The following SLCO2A1 variants were observed in gnomAD, a reference collection of about 807,000 sequenced individuals.
The protein encoded by SLCO2A1 is matrin F/G 1.
A neutral mutation model predicts 71.7 loss-of-function variants in SLCO2A1; 60 were observed. That is an observed-to-expected ratio of 0.84 (90% CI 0.68 to 1.04). SLCO2A1 has a LOEUF of 1.04. Among genes scored for constraint, SLCO2A1 ranks in the 50% least tolerant of loss-of-function variants. SLCO2A1 has a pLI of 0.00. For missense variants in SLCO2A1, 745 were observed against 813.4 expected (o/e 0.92, Z 1.02); for synonymous variants, 308 against 326.7 (o/e 0.94, Z 0.62).
At chr3:133,982,503 A>G (rs1934617565) in intron 1 of SLCO2A1, among the ~76,000 whole-genome samples, 1 of 152,100 alleles carries the variant, frequency 6.6e-6, no homozygotes, top group Non-Finnish European at 1.5e-5. Context: ...ATCACTTCCC[A>G]AATAGGACTC....
At position 134,029,473 on chromosome 3, in the gene SLCO2A1, A is replaced by AACACACAC. The variant is rs146731617; in HGVS notation, c.96+226_96+233dup. On this transcript the variant is annotated intron_variant, in intron 1 of 13. Transcript: ENST00000310926. ...TTACTTAGTCCGATGAAGGCGTGTGAACACACACACACACACTCGCACGCA... is the reference window on the plus strand; with the variant it reads ...TTACTTAGTCCGATGAAGGCGTGTGAACACACACACACACACACACACACTCGCACGCA... Among the ~76,000 whole-genome samples, 397 of 150,000 alleles carry AACACACAC rather than the reference A, an allele frequency of 2.6e-3. 5 individuals carry two copies. The highest frequency in any genetic ancestry group is 9.1e-3 in the African/African-American group (368 of 40,630).
intron 4 of SLCO2A1, 55 bp from the exon 5 acceptor site, chr3:133,953,816 C>T (rs901405181): frequency 3.6e-6 from 5 of 1,404,192 alleles, no homozygotes; most frequent in Non-Finnish European, 4.0e-6. Context: ...AGTTTGGCAG[C>T]CTTGGGCTCC....
intron 1 of SLCO2A1, among the ~76,000 whole-genome samples, chr3:133,993,894 G>A (rs564170906): frequency 6.6e-6 from 1 of 152,290 alleles, no homozygotes; most frequent in Non-Finnish European, 1.5e-5. Context: ...AGAGTTTGAA[G>A]ATTAAGCCCT....
intron 7 of SLCO2A1, 28 bp downstream of exon 7, chr3:133,948,865 G>A (rs199810211): frequency 6.2e-7 from 1 of 1,609,922 alleles, no homozygotes; most frequent in African/African-American, 1.3e-5. Context: ...CACTGTGCCA[G>A]CCCACCCAGG....
intron 1 of SLCO2A1, among the ~76,000 whole-genome samples, chr3:134,019,454 T>C (rs909910159): frequency 6.6e-6 from 1 of 152,210 alleles, no homozygotes; most frequent in African/African-American, 2.4e-5. Flanking sequence ...CCTCACGGAA[T>C]TGGTGGAACA....
chr3:133,991,484 A>G (rs1431399044), intron 1 of SLCO2A1, among the ~76,000 whole-genome samples: 1 of 152,258 alleles, frequency 6.6e-6, no homozygotes, highest in Admixed American at 6.5e-5. Flanking sequence ...CAGAGATTTA[A>G]AATAGCCAGC....
intron 1 of SLCO2A1, among the ~76,000 whole-genome samples, chr3:133,981,390 C>T (rs1023381619): frequency 6.6e-6 from 1 of 152,222 alleles, no homozygotes; most frequent in African/African-American, 2.4e-5. Context: ...TTTCCCCCTT[C>T]TGTGCCCTGG....
chr3:134,029,777 G>T lies in SLCO2A1; in HGVS notation c.26C>A (p.Ala9Glu), dbSNP rs1290884922. 2 of 1,551,002 alleles carry T rather than the reference G, an allele frequency of 1.3e-6. No homozygotes were observed. Among genetic ancestry groups the T allele is most frequent in the Non-Finnish European group, 1.7e-6 (2 of 1,154,454 alleles). Residue 9 changes from alanine to glutamate, a missense_variant, in exon 1 of 14, where the codon GCG becomes GAG. Physicochemically the swap from Ala to Glu is moderately radical, Grantham distance 107. Transcript: ENST00000310926. MGLLPKLG[A>E]SQGSDTSTSR... ...AGTAGAGGTGTCGCTGCCCTGGGAC[G>T]CGCCGAGCTTGGGCAGGAGCCCCAT...
rs575978146 is a variant in SLCO2A1, at chr3:133,959,364, A to C, written c.398-4171T>G. On this transcript the variant is annotated intron_variant, in intron 3 of 13. Coordinates refer to ENST00000310926, the MANE Select transcript of SLCO2A1 (RefSeq NM_005630.3). ...TTTATCAAATCAAAACTACAATGAG[A>C]TATCACTTCATACCCATCAGGATGG... Among the ~76,000 whole-genome samples, 75 of 151,144 alleles carry C rather than the reference A, an allele frequency of 5.0e-4. 1 individual carries two copies. The highest frequency in any genetic ancestry group is 3.3e-3 in the South Asian group (16 of 4,792).
rs1344699058 is a variant in SLCO2A1 at position 133,947,134 on chromosome 3, A to C, written c.1295+122T>G. The C allele has an allele frequency of 5.1e-4, 115 of 224,356 alleles. No individual in the cohort carries two copies. In the East Asian group the frequency reaches 0.013, roughly 26 times the overall value. The allele number at this position is 224,356 out of a possible 1,614,324, so 13.9% of individuals were successfully genotyped here. A position where few individuals can be genotyped will look rare whatever the true frequency, so the allele number is the denominator to read the frequency against. On this transcript the variant is annotated intron_variant, in intron 9 of 13. Coordinates refer to ENST00000310926, the MANE Select transcript of SLCO2A1 (RefSeq NM_005630.3). ...GGGTGACGGAGCGAGACTCTGTCTC[A>C]AAAAAAAAAAAAAGTGTACAGCAAA... is the stretch of plus-strand genomic sequence containing the variant.
intron 1 of SLCO2A1, among the ~76,000 whole-genome samples, chr3:134,014,480 A>T (rs1329411410): frequency 6.6e-6 from 1 of 152,194 alleles, no homozygotes; most frequent in African/African-American, 2.4e-5. Context: ...CATCCCAAAC[A>T]GTAAGACACA....
chr3:134,011,345 A>G lies in SLCO2A1; in HGVS notation c.96+18362T>C, dbSNP rs190572823. Among the ~76,000 whole-genome samples, 559 of 152,316 alleles carry G rather than the reference A, an allele frequency of 3.7e-3. 8 individuals are homozygous for G. Among genetic ancestry groups the G allele is most frequent in the African/African-American group, 0.013 (534 of 41,566 alleles). On this transcript the variant is annotated intron_variant, in intron 1 of 13. Coordinates refer to ENST00000310926, the MANE Select transcript of SLCO2A1 (RefSeq NM_005630.3). ...ATTACAGGCGTGAGCCACTGTGCCC[A>G]GCCTACACATTAAATTTACACATGG...
chr3:133,972,259 G>C (rs1934342965), intron 3 of SLCO2A1, among the ~76,000 whole-genome samples: 1 of 152,076 alleles, frequency 6.6e-6, no homozygotes, highest in Non-Finnish European at 1.5e-5. Flanking sequence ...TAAAAAATGG[G>C]TTTGACACCA....
intron 1 of SLCO2A1, among the ~76,000 whole-genome samples, chr3:134,000,679 G>A (rs146544202): frequency 6.6e-6 from 1 of 152,134 alleles, no homozygotes; most frequent in African/African-American, 2.4e-5. Flanking sequence ...GTCCCTTCTG[G>A]TGCACATGGA....
At chr3:134,022,341 A>G (rs1355793008) in intron 1 of SLCO2A1, among the ~76,000 whole-genome samples, 1 of 152,198 alleles carries the variant, frequency 6.6e-6, no homozygotes, top group East Asian at 1.9e-4. Context: ...CAAGGTGTAT[A>G]AGAAAAGTAA....
At chr3:134,025,948 TG>T (rs763881767) in intron 1 of SLCO2A1, among the ~76,000 whole-genome samples, 68 of 152,336 alleles carry the variant, frequency 4.5e-4, no homozygotes, top group Middle Eastern at 3.4e-3. Flanking sequence ...ACAAGAAATT[TG>T]TTTTTGCAAT....
At chr3:133,944,836 C>T (rs1263011660) in intron 10 of SLCO2A1, among the ~76,000 whole-genome samples, 1 of 152,214 alleles carries the variant, frequency 6.6e-6, no homozygotes, top group Non-Finnish European at 1.5e-5. Context: ...CTGCTCTGAG[C>T]AGTTAGGCCT....
At chr3:133,938,300 G>T in intron 12 of SLCO2A1, 129 bp downstream of exon 12, 1 of 841,348 alleles carries the variant, frequency 1.2e-6, no homozygotes, top group Non-Finnish European at 2.0e-6. Flanking sequence ...ATCTGCTGTT[G>T]ATTATGCACA....
intron 1 of SLCO2A1, among the ~76,000 whole-genome samples, chr3:134,029,009 C>A (rs1358467814): frequency 1.3e-5 from 2 of 152,078 alleles, no homozygotes; most frequent in Non-Finnish European, 1.5e-5. Context: ...CCTGCTTAGA[C>A]CTTACTGAAC....
Sources: gnomAD v4.1 joint callset for allele counts (sites outside exome capture counted in the v4.1 genomes callset) on GRCh38, gnomAD v4.1.1 for gene constraint, MANE v1.5 for transcripts, NCBI Gene and HGNC (gene_info 2026-07-23, HGNC 2026-07-21) for gene names.